Variants in SDCBP2 observed in about 807,000 individuals in gnomAD.
SDCBP2 encodes the protein syntenin-2.
Under a neutral mutation model 30.7 loss-of-function variants are expected in SDCBP2, and 28 were observed. The observed-to-expected ratio is 0.91, with a 90% confidence interval of 0.68 to 1.25. The LOEUF (loss-of-function observed/expected upper bound fraction) is 1.25, where lower values mean the gene tolerates loss of function less well. Among genes scored for constraint, SDCBP2 ranks in the 50% most tolerant of loss-of-function variants. The pLI is 0.00. For synonymous variants in SDCBP2, 166 were observed against 157.3 expected, an observed-to-expected ratio of 1.06 and a Z score of -0.41; for missense variants, 399 against 379.0, an observed-to-expected ratio of 1.05 and a Z score of -0.44.
chr20:1,310,250 A>G lies in SDCBP2; in HGVS notation c.*191T>C. 1.9e-6 allele frequency: 1 copy of G among 527,324 alleles called. No individual in the cohort carries two copies. The highest frequency in any genetic ancestry group is 3.4e-6 in the Non-Finnish European group (1 of 294,308). The allele number at this position is 527,324 out of a possible 1,614,324, so 32.7% of individuals were successfully genotyped here. A position where few individuals can be genotyped will look rare whatever the true frequency, so the allele number is the denominator to read the frequency against. On this transcript the variant is annotated 3_prime_UTR_variant, in exon 9 of 9. Transcript: ENST00000360779. ...GTGGGCCCTGCCTGAGCCTCAGCCT[A>G]GCTTGGAGTCTGAGGCTCCAAGGAG...
rs1048628 is a variant in SDCBP2, at chr20:1,310,432, G to A, written c.*9C>T. 4 of 1,612,864 alleles carry A rather than the reference G, an allele frequency of 2.5e-6. No individual in the cohort carries two copies. The African/African-American group carries it at 4.0e-5, about 16-fold the overall frequency. ...AAGCCCCCCCTGCCTGCCCTGCCCTGCAGTGGCTTCAGGCATCTGGGATGG... is the reference window on the plus strand; with the variant it reads ...AAGCCCCCCCTGCCTGCCCTGCCCTACAGTGGCTTCAGGCATCTGGGATGG... On this transcript the variant is annotated 3_prime_UTR_variant, in exon 9 of 9. Transcript: ENST00000360779.
chr20:1,312,551 G>T, intron 6 of SDCBP2, 36 bp downstream of exon 6: 1 of 1,613,784 alleles, frequency 6.2e-7, no homozygotes, highest in Non-Finnish European at 8.5e-7. Flanking sequence ...CATGGCTGGG[G>T]TGAGACGGAG....
chr20:1,327,143 T>A (rs1174541843), intron 1 of SDCBP2, among the ~76,000 whole-genome samples: 2 of 152,284 alleles, frequency 1.3e-5, no homozygotes, highest in East Asian at 3.9e-4. Flanking sequence ...CCCCTCTCTC[T>A]CAGAGGAATT....
At position 1,310,347 on chromosome 20, in the gene SDCBP2, CA is replaced by C; in HGVS notation, c.*93del. The C allele has an allele frequency of 1.5e-6, 2 of 1,328,362 alleles. No homozygotes were observed. The highest frequency in any genetic ancestry group is 2.1e-6 in the Non-Finnish European group (2 of 933,940). The allele number at this position is 1,328,362 out of a possible 1,614,324, so 82.3% of individuals were successfully genotyped here. On this transcript the variant is annotated 3_prime_UTR_variant, in exon 9 of 9. Transcript: ENST00000360779. ...CCCTCATGGCAGCCCCCACCTTAAGCAGCAGGCCGGCTGCAACCCATCATCC... is the reference window on the plus strand; with the variant it reads ...CCCTCATGGCAGCCCCCACCTTAAGCGCAGGCCGGCTGCAACCCATCATCC...
intron 4 of SDCBP2, among the ~76,000 whole-genome samples, chr20:1,315,553 CA>C (rs1255855135): frequency 1.3e-5 from 2 of 151,920 alleles, no homozygotes; most frequent in African/African-American, 4.8e-5. Context: ...AACAAAACAA[CA>C]AAAAAAGCAA....
chr20:1,322,099 G>A (rs1186159792), intron 1 of SDCBP2: 2 of 152,330 alleles, frequency 1.3e-5, no homozygotes, highest in African/African-American at 2.4e-5. Flanking sequence ...GCCACAATGA[G>A]CTACTTCCAC....
At chr20:1,310,766 G>A (rs772487527) in intron 8 of SDCBP2, 34 bp downstream of exon 8, 2 of 1,520,376 alleles carry the variant, frequency 1.3e-6, no homozygotes, top group Admixed American at 3.5e-5. Context: ...GGCAGAGGAG[G>A]GGTGAGGAGG....
chr20:1,310,562 C>T, intron 8 of SDCBP2, 67 bp from the exon 9 acceptor site: 20 of 1,475,460 alleles, frequency 1.4e-5, no homozygotes, highest in Non-Finnish European at 1.8e-5. Flanking sequence ...AACCTCCACC[C>T]CCTTCCGAGC....
intron 3 of SDCBP2, 139 bp from the exon 4 acceptor site, chr20:1,318,557 A>G (rs2088811202): frequency 1.7e-6 from 1 of 590,128 alleles, no homozygotes; most frequent in African/African-American, 1.9e-5. Flanking sequence ...ACTGTGGGGT[A>G]TCCCCAGGAA....
At chr20:1,326,498 C>T (rs1225831420) in intron 1 of SDCBP2, among the ~76,000 whole-genome samples, 6 of 152,224 alleles carry the variant, frequency 3.9e-5, no homozygotes, top group African/African-American at 7.2e-5. Flanking sequence ...GTTCATGCCT[C>T]CATGCTTTTG....
At chr20:1,326,584 A>G (rs570916633) in intron 1 of SDCBP2, among the ~76,000 whole-genome samples, 9 of 152,240 alleles carry the variant, frequency 5.9e-5, no homozygotes, top group South Asian at 2.1e-4. Flanking sequence ...TTTTCCTCCA[A>G]TTTAAAGCTT....
intron 3 of SDCBP2, 113 bp downstream of exon 3, chr20:1,319,477 G>A: frequency 1.7e-6 from 2 of 1,145,366 alleles, no homozygotes; most frequent in Non-Finnish European, 1.3e-6. Context: ...TTCCCACCAT[G>A]TTGAGTCCTT....
intron 4 of SDCBP2, among the ~76,000 whole-genome samples, chr20:1,317,002 C>T (rs1464944561): frequency 6.6e-6 from 1 of 152,176 alleles, no homozygotes; most frequent in Non-Finnish European, 1.5e-5. Context: ...TGGTCACATA[C>T]TGTACGATTC....
chr20:1,315,763 A>T (rs192094365), intron 4 of SDCBP2, among the ~76,000 whole-genome samples: 23 of 152,316 alleles, frequency 1.5e-4, no homozygotes, highest in Admixed American at 1.4e-3. Context: ...AGAAAAAAAA[A>T]TCAATAAACT....
intron 7 of SDCBP2, 42 bp from the exon 8 acceptor site, chr20:1,310,933 A>T: frequency 6.9e-7 from 1 of 1,456,502 alleles, no homozygotes; most frequent in Non-Finnish European, 9.6e-7. Flanking sequence ...AGGATTGGGG[A>T]CCAGGGGCAA....
chr20:1,319,037 G>A (rs1203563426), intron 3 of SDCBP2, among the ~76,000 whole-genome samples: 4 of 152,202 alleles, frequency 2.6e-5, no homozygotes, highest in African/African-American at 9.7e-5. Flanking sequence ...AGCTGAATAA[G>A]GCAAGTGGGG....
intron 3 of SDCBP2, 139 bp from the exon 4 acceptor site, chr20:1,318,557 A>ATT: frequency 1.7e-6 from 1 of 590,128 alleles, no homozygotes; most frequent in Non-Finnish European, 3.0e-6. Flanking sequence ...ACTGTGGGGT[A>ATT]TCCCCAGGAA....
Position 1,310,900 on chromosome 20 carries a change from G to T in SDCBP2, c.733-9C>A. 6.2e-7 allele frequency: 1 copy of T among 1,610,366 alleles called. No individual in the cohort carries two copies. The highest frequency in any genetic ancestry group is 1.1e-5 in the South Asian group (1 of 90,910). ...TCCATGATCTTTTTGTCCTAGGGAG[G>T]AGGCAAGTAAGCGATCACCCTAAGG... On this transcript the variant is annotated splice_polypyrimidine_tract_variant and intron_variant, in intron 7 of 8. Coordinates refer to ENST00000360779, the MANE Select transcript of SDCBP2 (RefSeq NM_080489.5).
At chr20:1,326,015 G>A (rs1483325221) in intron 1 of SDCBP2, 1 of 152,332 alleles carries the variant, frequency 6.6e-6, no homozygotes, top group African/African-American at 2.4e-5. Context: ...CCGAAAGCCT[G>A]TTATGAGGGA....
Sources: gnomAD v4.1 joint callset for allele counts (sites outside exome capture counted in the v4.1 genomes callset) on GRCh38, gnomAD v4.1.1 for gene constraint, MANE v1.5 for transcripts, NCBI Gene and HGNC (gene_info 2026-07-23, HGNC 2026-07-21) for gene names.